The following SCFD1 variants were observed in gnomAD, a reference collection of about 807,000 sequenced individuals.
SCFD1 encodes sec1 family domain containing 1, also known as sec1 family domain-containing protein 1.
A neutral mutation model predicts 103.2 loss-of-function variants in SCFD1; 37 were observed. The observed-to-expected ratio is 0.36, with a 90% CI of 0.28 to 0.47. SCFD1 has a LOEUF of 0.47. Among genes scored for constraint, SCFD1 ranks in the 20% least tolerant of loss-of-function variants. The probability of loss-of-function intolerance (pLI) is 1.00; values close to 1 mark genes in which losing one functional copy is unlikely to be tolerated. For synonymous variants in SCFD1, 264 were observed against 245.0 expected, an observed-to-expected ratio of 1.08 and a Z score of -0.73; for missense variants, 639 against 761.2, an observed-to-expected ratio of 0.84 and a Z score of 1.89.
intron 16 of SCFD1, 52 bp from the exon 17 acceptor site, chr14:30,702,244 C>T (rs898819177): frequency 8.5e-7 from 1 of 1,182,538 alleles, no homozygotes; most frequent in Non-Finnish European, 1.2e-6. Context: ...CAACAAATAA[C>T]ATCTTTCTTG....
At chr14:30,708,531 A>T (rs79690609) in intron 19 of SCFD1, among the ~76,000 whole-genome samples, 6 of 45,104 alleles carry the variant, frequency 1.3e-4, no homozygotes, top group Admixed American at 2.5e-4. Flanking sequence ...ATACTTTTTT[A>T]AAAAAAAATT....
intron 14 of SCFD1, chr14:30,683,304 G>A: frequency 1.3e-6 from 1 of 775,052 alleles, no homozygotes; most frequent in Middle Eastern, 4.1e-4. Flanking sequence ...AGCAGGGTGT[G>A]AGGAATTTCA....
intron 10 of SCFD1, among the ~76,000 whole-genome samples, chr14:30,655,933 G>A (rs2139127801): frequency 6.6e-6 from 1 of 152,168 alleles, no homozygotes; most frequent in Non-Finnish European, 1.5e-5. Flanking sequence ...TTCAAGACCA[G>A]CCTGGCAACA....
chr14:30,644,081 C>G (rs368400141), intron 7 of SCFD1: 1 of 435,418 alleles, frequency 2.3e-6, no homozygotes, highest in Non-Finnish European at 4.6e-6. Context: ...CTCCCACTTA[C>G]AAGTGAGAAC....
At chr14:30,631,360 A>T (rs569121598) in intron 3 of SCFD1, among the ~76,000 whole-genome samples, 400 of 152,052 alleles carry the variant, frequency 2.6e-3, no homozygotes, top group Non-Finnish European at 4.6e-3. Flanking sequence ...CTCAAAATTT[A>T]AAAAAAATTA....
intron 21 of SCFD1, among the ~76,000 whole-genome samples, chr14:30,720,943 T>C (rs1892611197): frequency 6.6e-6 from 1 of 152,188 alleles, no homozygotes; most frequent in Non-Finnish European, 1.5e-5. Context: ...AATATTAGCA[T>C]TGATAAGACA....
chr14:30,682,912 C>A, intron 14 of SCFD1: 1 of 397,046 alleles, frequency 2.5e-6, no homozygotes, highest in Non-Finnish European at 4.5e-6. Context: ...TCAACTGAGG[C>A]TTAATTTAAA....
At chr14:30,654,968 T>G (rs1267926850) in intron 10 of SCFD1, among the ~76,000 whole-genome samples, 1 of 152,188 alleles carries the variant, frequency 6.6e-6, no homozygotes, top group African/African-American at 2.4e-5. Flanking sequence ...GAGGAGGAAT[T>G]CAGTTCTACC....
chr14:30,703,910 C>CAT lies in SCFD1; in HGVS notation c.1490+1587_1490+1588dup, dbSNP rs71443380. Among the ~76,000 whole-genome samples, 236 of 39,412 alleles carry CAT rather than the reference C, an allele frequency of 6.0e-3. 4 individuals are homozygous for CAT. Among genetic ancestry groups the CAT allele is most frequent in the Non-Finnish European group, 0.011 (175 of 15,654 alleles). The allele number at this position is 39,412 out of a possible 152,430, so 25.9% of individuals were successfully genotyped here. A position where few individuals can be genotyped will look rare whatever the true frequency, so the allele number is the denominator to read the frequency against. On this transcript the variant is annotated intron_variant, in intron 17 of 24. Transcript: ENST00000458591. ...ATTTTTTCAGATTTGGGAATATTTG[C>CAT]ATATATATATATATATATATATATA...
chr14:30,728,272 C>G (rs1306309504), intron 23 of SCFD1, among the ~76,000 whole-genome samples: 1 of 152,182 alleles, frequency 6.6e-6, no homozygotes, highest in Non-Finnish European at 1.5e-5. Context: ...GTGTTTCAAA[C>G]ATTTGCTCCA....
At chr14:30,683,191 T>C in intron 14 of SCFD1, 1 of 1,116,606 alleles carries the variant, frequency 9.0e-7, no homozygotes, top group Non-Finnish European at 1.3e-6. Flanking sequence ...ATGGAGAGTG[T>C]TCTGGATGGA....
chr14:30,727,697 T>C (rs1204647061), intron 23 of SCFD1, among the ~76,000 whole-genome samples: 2 of 152,200 alleles, frequency 1.3e-5, no homozygotes, highest in African/African-American at 4.8e-5. Flanking sequence ...CTTTTCCTCC[T>C]TTCTCCTGTT....
intron 14 of SCFD1, chr14:30,683,446 G>A (rs184164861): frequency 8.1e-6 from 4 of 493,014 alleles, no homozygotes; most frequent in Non-Finnish European, 1.6e-5. Context: ...TCTGATTCAG[G>A]GAAGGCAGAA....
At position 30,732,023 on chromosome 14, in the gene SCFD1, G is replaced by T. The variant is rs142202273; in HGVS notation, c.1837-2767G>T. ...AATAGCTCTTATTATTTTGAGATAC[G>T]TCCCATCAATACCTAATTCATTGAG... On this transcript the variant is annotated intron_variant, in intron 23 of 24. Transcript: ENST00000458591. Among the ~76,000 whole-genome samples the T allele has an allele frequency of 3.7e-3, 563 of 152,144 alleles. 7 individuals are homozygous for T. Among genetic ancestry groups the T allele is most frequent in the African/African-American group, 0.013 (533 of 41,512 alleles).
At chr14:30,698,215 A>C (rs1358047895) in intron 15 of SCFD1, among the ~76,000 whole-genome samples, 2 of 152,210 alleles carry the variant, frequency 1.3e-5, no homozygotes, top group Admixed American at 1.3e-4. Context: ...CAGCAGTCAA[A>C]GGAGAGAGGT....
At chr14:30,708,748 A>G (rs1170804643) in intron 19 of SCFD1, among the ~76,000 whole-genome samples, 5 of 141,746 alleles carry the variant, frequency 3.5e-5, no homozygotes, top group Admixed American at 3.4e-4. Context: ...GGACTAAACA[A>G]AATATTTTAA....
intron 11 of SCFD1, among the ~76,000 whole-genome samples, chr14:30,671,455 C>T (rs1888533353): frequency 6.6e-6 from 1 of 151,898 alleles, no homozygotes; most frequent in South Asian, 2.1e-4. Flanking sequence ...ATAGAGAATA[C>T]AGAATATTTT....
chr14:30,622,427 G>A lies in SCFD1; in HGVS notation c.61+28G>A, dbSNP rs1882933596. ...ACTGACTTATTCTCTTCTCCTTGAA[G>A]CTTCGTGACTGCCCCGACGACATCC... On this transcript the variant is annotated intron_variant, in intron 1 of 24. Coordinates refer to ENST00000458591, the MANE Select transcript of SCFD1 (RefSeq NM_016106.4). 1.9e-6 allele frequency: 3 copies of A among 1,550,412 alleles called. No individual in the cohort carries two copies. In the South Asian group the frequency reaches 3.6e-5, roughly 18 times the overall value.
chr14:30,733,726 A>T (rs1893642608), intron 23 of SCFD1, among the ~76,000 whole-genome samples: 1 of 152,158 alleles, frequency 6.6e-6, no homozygotes, highest in African/African-American at 2.4e-5. Flanking sequence ...TTGATTTTAC[A>T]TTTTTCACCT....
Sources: gnomAD v4.1 joint callset for allele counts (sites outside exome capture counted in the v4.1 genomes callset) on GRCh38, gnomAD v4.1.1 for gene constraint, MANE v1.5 for transcripts, NCBI Gene and HGNC (gene_info 2026-07-23, HGNC 2026-07-21) for gene names.